Variants in LRRC7 observed in about 807,000 individuals in gnomAD.
LRRC7 encodes leucine-rich repeat-containing protein 7.
LRRC7 carries 23 observed loss-of-function variants against 175.7 expected under a neutral mutation model. The observed-to-expected ratio is 0.13, with a 90% confidence interval of 0.09 to 0.19. The LOEUF is 0.19. Among genes scored for constraint, LRRC7 ranks in the 10% least tolerant of loss-of-function variants. The pLI is 1.00. For missense variants in LRRC7, 1,354 were observed against 1,904.7 expected (o/e 0.71, Z 5.38); for synonymous variants, 685 against 680.9 (o/e 1.01, Z -0.09).
At chr1:69,579,401 T>C (rs1244434807) in intron 1 of LRRC7, among the ~76,000 whole-genome samples, 1 of 152,198 alleles carries the variant, frequency 6.6e-6, no homozygotes, top group East Asian at 1.9e-4. Context: ...AACTGTGTGA[T>C]TTGTGTGATC....
intron 7 of LRRC7, among the ~76,000 whole-genome samples, chr1:69,925,069 T>A (rs1557894891): frequency 6.6e-6 from 1 of 152,200 alleles, no homozygotes; most frequent in Admixed American, 6.5e-5. Flanking sequence ...ATGTGGTTTT[T>A]GTCTTTGGTT....
intron 23 of LRRC7, among the ~76,000 whole-genome samples, chr1:70,070,204 A>G (rs1429903056): frequency 6.6e-6 from 1 of 152,096 alleles, no homozygotes; most frequent in Non-Finnish European, 1.5e-5. Flanking sequence ...CGTGTTGCCC[A>G]GGCTGGTCTT....
chr1:69,776,556 G>A (rs180781369), intron 3 of LRRC7, among the ~76,000 whole-genome samples: 33 of 152,200 alleles, frequency 2.2e-4, no homozygotes, highest in African/African-American at 7.2e-4. Context: ...TTTCTATAAC[G>A]AACCTGAAAC....
intron 3 of LRRC7, among the ~76,000 whole-genome samples, chr1:69,783,805 G>A (rs1039826666): frequency 7.0e-6 from 1 of 143,486 alleles, no homozygotes; most frequent in South Asian, 2.3e-4. Context: ...TCATCTATAA[G>A]TGGAAAAGAA....
Position 70,036,454 on chromosome 1 carries a change from T to C in LRRC7, c.2118T>C (p.Asp706=), listed in dbSNP as rs556839532. 4.3e-6 allele frequency: 7 copies of C among 1,609,352 alleles called. No individual in the cohort carries two copies. In the Admixed American group the frequency reaches 1.0e-4, roughly 23 times the overall value. Residue 706 remains aspartate (D), a synonymous_variant, in exon 20 of 27, where the codon GAT becomes GAC. Transcript: ENST00000651989. ...LLGKDKKEST[D]ESEVDKTHCL... is the part of the protein sequence containing the mutation. ...CCCTTTAAATTTCAGAATCAACTGA[T>C]GAGTCTGAAGTTGACAAAACTCACT...
At chr1:70,121,667 T>C (rs1666214754) in intron 26 of LRRC7, 113 bp from the exon 27 acceptor site, 2 of 670,906 alleles carry the variant, frequency 3.0e-6, no homozygotes, top group Non-Finnish European at 5.1e-6. Context: ...TTGTGAATTA[T>C]AAAAACTGAC....
rs140647781 is a variant in LRRC7, at chr1:69,888,423, C to T, written c.648-43084C>T. On this transcript the variant is annotated intron_variant, in intron 7 of 26. Transcript: ENST00000651989. Reference sequence around the variant, plus strand: ...CCCTTTCTTTGACTTGGAAAGGGAACTCCCCGACCCTTGCACTTCCCAAGT... The same window carrying T: ...CCCTTTCTTTGACTTGGAAAGGGAATTCCCCGACCCTTGCACTTCCCAAGT... Among the ~76,000 whole-genome samples the T allele has an allele frequency of 3.3e-3, 495 of 152,276 alleles. 1 individual carries two copies. Among genetic ancestry groups the T allele is most frequent in the African/African-American group, 0.011 (446 of 41,552 alleles).
chr1:69,741,402 A>G lies in LRRC7; in HGVS notation c.101-18789A>G, dbSNP rs190291243. On this transcript the variant is annotated intron_variant, in intron 2 of 26. Transcript: ENST00000651989. ...TGGCACCTCCATAATCCAGTAGGTG[A>G]CATGTAATCTAAGACGTGAAATAGT... 3.0e-3 allele frequency among the ~76,000 whole-genome samples: 457 copies of G among 151,968 alleles called. 2 individuals carry two copies. Among genetic ancestry groups the G allele is most frequent in the African/African-American group, 0.011 (436 of 41,454 alleles).
At chr1:69,778,263 C>T (rs1285010690) in intron 3 of LRRC7, among the ~76,000 whole-genome samples, 1 of 152,166 alleles carries the variant, frequency 6.6e-6, no homozygotes, top group Admixed American at 6.5e-5. Flanking sequence ...GGCAATTATT[C>T]ATTCTCTATA....
intron 23 of LRRC7, among the ~76,000 whole-genome samples, chr1:70,071,736 T>A (rs1168761559): frequency 6.6e-6 from 1 of 152,240 alleles, no homozygotes; most frequent in Non-Finnish European, 1.5e-5. Context: ...TAAATTGTAA[T>A]CTTTTAAGGC....
chr1:69,602,150 A>G (rs1647099166), intron 1 of LRRC7, among the ~76,000 whole-genome samples: 1 of 152,216 alleles, frequency 6.6e-6, no homozygotes, highest in Non-Finnish European at 1.5e-5. Flanking sequence ...TGTCAGAACA[A>G]GAACAGAACC....
chr1:69,694,745 C>A (rs572823073), intron 2 of LRRC7, among the ~76,000 whole-genome samples: 2 of 151,892 alleles, frequency 1.3e-5, no homozygotes, highest in African/African-American at 2.4e-5. Flanking sequence ...CCTACCCCCC[C>A]CCACTTCCTC....
intron 18 of LRRC7, among the ~76,000 whole-genome samples, chr1:70,031,384 A>G (rs1571092726): frequency 6.6e-6 from 1 of 152,192 alleles, no homozygotes; most frequent in Non-Finnish European, 1.5e-5. Flanking sequence ...ATTAATTGAT[A>G]CCTATCCACA....
At chr1:70,049,724 T>C (rs938230438) in intron 22 of LRRC7, among the ~76,000 whole-genome samples, 1 of 152,084 alleles carries the variant, frequency 6.6e-6, no homozygotes, top group Non-Finnish European at 1.5e-5. Flanking sequence ...GAAATCACTG[T>C]CATTTAGATC....
chr1:70,039,333 A>C lies in LRRC7; in HGVS notation c.3509A>C (p.Asn1170Thr). The C allele has an allele frequency of 6.2e-7, 1 of 1,614,022 alleles. No individual in the cohort carries two copies. Among genetic ancestry groups the C allele is most frequent in the South Asian group, 1.1e-5 (1 of 91,082 alleles). ...GAAATGGCCATGTTTAGAAGGGTCA[A>C]TGAGCCTCATGAGCTGCCCCCAACT... ...ATEMAMFRRVNEPHELPPTDR... is the reference protein window; with the variant it reads ...ATEMAMFRRVTEPHELPPTDR... The change falls in exon 21 of 27, where the codon AAT (asparagine) becomes ACT (threonine). Residue 1170 changes from asparagine to threonine, a missense_variant. By Grantham distance (65) the Asn-to-Thr change is moderately conservative (BLOSUM62 0). Coordinates refer to ENST00000651989, the MANE Select transcript of LRRC7 (RefSeq NM_001370785.2).
intron 8 of LRRC7, among the ~76,000 whole-genome samples, chr1:69,938,954 CCTT>C (rs1036862424): frequency 6.9e-6 from 1 of 144,910 alleles, no homozygotes; most frequent in Admixed American, 6.9e-5. Flanking sequence ...CTAATTTACT[CCTT>C]CATTTTTCTG....
chr1:69,920,878 C>A (rs1470511811), intron 7 of LRRC7, among the ~76,000 whole-genome samples: 1 of 152,152 alleles, frequency 6.6e-6, no homozygotes, highest in African/African-American at 2.4e-5. Context: ...GGTACGTGGT[C>A]TCAGAGTAAG....
chr1:70,118,947 C>T (rs959946065), intron 26 of LRRC7, among the ~76,000 whole-genome samples: 1 of 151,778 alleles, frequency 6.6e-6, no homozygotes, highest in Non-Finnish European at 1.5e-5. Flanking sequence ...TGAACTAACA[C>T]CTTGTTTAAA....
Position 69,926,717 on chromosome 1 carries a change from G to A in LRRC7, c.648-4790G>A, listed in dbSNP as rs1256568329. 2.0e-5 allele frequency among the ~76,000 whole-genome samples: 3 copies of A among 152,088 alleles called. No individual in the cohort carries two copies. The South Asian group carries it at 6.2e-4, about 32-fold the overall frequency. ...TATATATTTCTCTGCACGTGAGATG[G>A]GTGTCCTGAATACAGCACACTGATG... On this transcript the variant is annotated intron_variant, in intron 7 of 26. Coordinates refer to ENST00000651989, the MANE Select transcript of LRRC7 (RefSeq NM_001370785.2).
Sources: allele counts gnomAD v4.1 joint callset (sites outside exome capture counted in the v4.1 genomes callset), GRCh38; gene constraint gnomAD v4.1.1; transcripts MANE v1.5; gene names NCBI Gene and HGNC (gene_info 2026-07-23, HGNC 2026-07-21).